The following PTPRD variants were observed in gnomAD, a reference collection of about 807,000 sequenced individuals.
PTPRD encodes protein tyrosine phosphatase receptor type D.
Under a neutral mutation model 214.5 loss-of-function variants are expected in PTPRD, and 34 were observed. That is an observed-to-expected ratio of 0.16 (90% confidence interval 0.12 to 0.21). The LOEUF is 0.21. Among genes scored for constraint, PTPRD ranks in the 10% least tolerant of loss-of-function variants. The pLI is 1.00. For synonymous variants in PTPRD, 1,128 were observed against 845.7 expected (o/e 1.33, Z -5.79); for missense variants, 2,545 against 2,398.7 (o/e 1.06, Z -1.27).
Position 8,443,173 on chromosome 9 carries a change from T to C in PTPRD, c.3989-6484A>G, listed in dbSNP as rs557532357. Among the ~76,000 whole-genome samples the C allele has an allele frequency of 2.0e-5, 3 of 152,316 alleles. No individual in the cohort carries two copies. The East Asian group carries it at 5.8e-4, about 29-fold the overall frequency. ...ACATTTTAAAAAATTTTTGTAAAAT[T>C]CAATTCTAATGGAGAGTTTCTCAAA... On this transcript the variant is annotated intron_variant, in intron 34 of 45. Transcript: ENST00000381196.
chr9:8,318,619 C>T (rs960038979), intron 45 of PTPRD, among the ~76,000 whole-genome samples: 1 of 151,998 alleles, frequency 6.6e-6, no homozygotes, highest in African/African-American at 2.4e-5. Context: ...CCAAGCTTTC[C>T]ATCCCTGAAA....
chr9:9,032,436 T>A (rs2099608565), intron 10 of PTPRD, among the ~76,000 whole-genome samples: 1 of 152,058 alleles, frequency 6.6e-6, no homozygotes. Flanking sequence ...AGAGGCCTTG[T>A]TTTTAATAAG....
intron 9 of PTPRD, among the ~76,000 whole-genome samples, chr9:9,248,973 C>G (rs532059986): frequency 6.6e-6 from 1 of 151,918 alleles, no homozygotes; most frequent in Non-Finnish European, 1.5e-5. Context: ...TGCTTTTGAA[C>G]GGGAGTCATA....
intron 5 of PTPRD, among the ~76,000 whole-genome samples, chr9:9,836,777 C>G (rs1372561234): frequency 1.3e-5 from 2 of 152,136 alleles, no homozygotes; most frequent in African/African-American, 4.8e-5. Context: ...TTACCTATGT[C>G]TCAGGGTTGT....
intron 3 of PTPRD, among the ~76,000 whole-genome samples, chr9:10,096,110 C>T (rs772919901): frequency 7.6e-4 from 116 of 151,672 alleles, no homozygotes; most frequent in Middle Eastern, 3.4e-3. Flanking sequence ...TACATACGAG[C>T]GTAAACACCA....
chr9:8,338,866 G>GAGAGAGAGT, intron 43 of PTPRD, 56 bp downstream of exon 43: 2 of 712,482 alleles, frequency 2.8e-6, no homozygotes, highest in Non-Finnish European at 4.1e-6. Flanking sequence ...AGAGAGAGAG[G>GAGAGAGAGT]TATCTTAGAC....
intron 4 of PTPRD, among the ~76,000 whole-genome samples, chr9:10,027,549 A>G (rs1409821352): frequency 2.0e-5 from 3 of 152,202 alleles, no homozygotes; most frequent in Non-Finnish European, 4.4e-5. Flanking sequence ...ATATAACAGG[A>G]TAAGAGAAGA....
chr9:8,783,219 T>C (rs1220265735), intron 11 of PTPRD, among the ~76,000 whole-genome samples: 1 of 152,196 alleles, frequency 6.6e-6, no homozygotes, highest in Admixed American at 6.5e-5. Flanking sequence ...AAAATGATTG[T>C]AATTATATAA....
chr9:9,215,324 A>G (rs2099951466), intron 9 of PTPRD, among the ~76,000 whole-genome samples: 2 of 152,152 alleles, frequency 1.3e-5, no homozygotes, highest in African/African-American at 2.4e-5. Flanking sequence ...AAAGTTATGG[A>G]GCTACAAGAG....
intron 11 of PTPRD, among the ~76,000 whole-genome samples, chr9:8,909,822 G>A (rs530743744): frequency 2.7e-5 from 4 of 148,908 alleles, no homozygotes; most frequent in African/African-American, 9.9e-5. Context: ...GATAGAGATA[G>A]GGATGGGAAC....
intron 37 of PTPRD, among the ~76,000 whole-genome samples, chr9:8,377,240 CA>C (rs2083521372): frequency 6.6e-6 from 1 of 151,590 alleles, no homozygotes; most frequent in South Asian, 2.1e-4. Flanking sequence ...TTTTTGAACA[CA>C]AGATAAATGT....
intron 10 of PTPRD, among the ~76,000 whole-genome samples, chr9:9,036,033 T>C (rs1401651317): frequency 6.6e-6 from 1 of 152,128 alleles, no homozygotes; most frequent in East Asian, 1.9e-4. Flanking sequence ...CTACCTCTTT[T>C]GAAACTTCAC....
intron 3 of PTPRD, among the ~76,000 whole-genome samples, chr9:10,074,759 G>C (rs1343065757): frequency 6.6e-6 from 1 of 152,066 alleles, no homozygotes; most frequent in East Asian, 1.9e-4. Context: ...CCAAACCAGA[G>C]TAGTGGGAAG....
chr9:8,770,110 G>T (rs553248679), intron 11 of PTPRD, among the ~76,000 whole-genome samples: 2 of 151,938 alleles, frequency 1.3e-5, no homozygotes, highest in African/African-American at 4.8e-5. Flanking sequence ...GTGAACCCTC[G>T]TCTCTACCAA....
chr9:8,735,910 CAAAAAAAAA>C (rs34573821), intron 11 of PTPRD, among the ~76,000 whole-genome samples: 2 of 130,990 alleles, frequency 1.5e-5, no homozygotes, highest in Non-Finnish European at 3.2e-5. Flanking sequence ...GACTTCGTCT[CAAAAAAAAA>C]AAAAAAAAAG....
chr9:8,458,659 A>T (rs2096284182), intron 33 of PTPRD, among the ~76,000 whole-genome samples: 1 of 152,110 alleles, frequency 6.6e-6, no homozygotes, highest in Non-Finnish European at 1.5e-5. Flanking sequence ...TTGGACTCAA[A>T]CAGGGTCTAT....
At chr9:8,519,948 C>A (rs934972509) in intron 20 of PTPRD, among the ~76,000 whole-genome samples, 5 of 152,042 alleles carry the variant, frequency 3.3e-5, no homozygotes, top group African/African-American at 1.2e-4. Context: ...AAAGGTGATT[C>A]AATATTTACA....
Position 9,560,180 on chromosome 9 carries a change from G to A in PTPRD, c.-237+14552C>T, listed in dbSNP as rs531619063. Among the ~76,000 whole-genome samples, 89 of 152,282 alleles carry A rather than the reference G, an allele frequency of 5.8e-4. 1 individual carries two copies. In the South Asian group the frequency reaches 0.016, roughly 28 times the overall value. ...TTGCACTAAGTCTGTACATGACTGT[G>A]GACCTTACTTACTTAACTCCCACAA... On this transcript the variant is annotated intron_variant, in intron 8 of 45. Coordinates refer to ENST00000381196, the MANE Select transcript of PTPRD (RefSeq NM_002839.4).
At chr9:10,230,535 G>A (rs1202965151) in intron 3 of PTPRD, among the ~76,000 whole-genome samples, 1 of 151,518 alleles carries the variant, frequency 6.6e-6, no homozygotes, top group East Asian at 2.0e-4. Flanking sequence ...CTGAGATCAG[G>A]GAAATGTATT....
Sources: allele counts gnomAD v4.1 joint callset (sites outside exome capture counted in the v4.1 genomes callset), GRCh38; gene constraint gnomAD v4.1.1; transcripts MANE v1.5; gene names NCBI Gene and HGNC (gene_info 2026-07-23, HGNC 2026-07-21).